CAMK1D: variants seen among roughly 807,000 people sequenced by gnomAD.
The protein encoded by CAMK1D is calcium/calmodulin dependent protein kinase ID.
A neutral mutation model predicts 47.7 loss-of-function variants in CAMK1D; 9 were observed. The observed-to-expected ratio is 0.19, with a 90% CI of 0.11 to 0.33. The LOEUF (loss-of-function observed/expected upper bound fraction) is 0.33. Among genes scored for constraint, CAMK1D ranks in the 10% least tolerant of loss-of-function variants. The pLI, the probability that CAMK1D is intolerant of heterozygous loss-of-function variation, is 1.00. For missense variants in CAMK1D, 291 were observed against 488.7 expected (o/e 0.60, Z 3.81); for synonymous variants, 184 against 184.9 (o/e 0.99, Z 0.04).
intron 1 of CAMK1D, among the ~76,000 whole-genome samples, chr10:12,539,407 A>C (rs956863605): frequency 1.3e-5 from 2 of 152,212 alleles, no homozygotes; most frequent in Non-Finnish European, 2.9e-5. Context: ...CTAAAGTCAG[A>C]GGATCTGGTG....
chr10:12,473,421 G>A (rs1187374847), intron 1 of CAMK1D, among the ~76,000 whole-genome samples: 1 of 151,978 alleles, frequency 6.6e-6, no homozygotes, highest in African/African-American at 2.4e-5. Context: ...GTGACAGAGC[G>A]AGACTCTGAC....
At chr10:12,457,697 C>CT (rs1252954573) in intron 1 of CAMK1D, among the ~76,000 whole-genome samples, 1 of 148,366 alleles carries the variant, frequency 6.7e-6, no homozygotes. Context: ...AGGAGAATTG[C>CT]TTGAACCCAG....
At chr10:12,382,614 C>T (rs949655203) in intron 1 of CAMK1D, among the ~76,000 whole-genome samples, 2 of 152,128 alleles carry the variant, frequency 1.3e-5, no homozygotes, top group Admixed American at 1.3e-4. Context: ...CACCTGAGGT[C>T]AGGAGTTCCA....
At chr10:12,541,676 T>C (rs1339672707) in intron 1 of CAMK1D, among the ~76,000 whole-genome samples, 1 of 151,724 alleles carries the variant, frequency 6.6e-6, no homozygotes, top group African/African-American at 2.4e-5. Context: ...ACTACTGTTA[T>C]GGTCCATTCG....
chr10:12,640,108 G>A (rs566898250), intron 2 of CAMK1D, among the ~76,000 whole-genome samples: 17 of 152,228 alleles, frequency 1.1e-4, no homozygotes, highest in Admixed American at 9.2e-4. Context: ...CCTTCCTCTC[G>A]AAGAATCAGC....
intron 1 of CAMK1D, among the ~76,000 whole-genome samples, chr10:12,421,511 C>CTTTTGTTTTTTTTTT (rs1554767788): frequency 2.0e-5 from 1 of 50,732 alleles, no homozygotes; most frequent in Non-Finnish European, 3.3e-5. Context: ...ATCCAGGATT[C>CTTTTGTTTTTTTTTT]TTTTTTTTTT....
intron 1 of CAMK1D, among the ~76,000 whole-genome samples, chr10:12,398,378 C>T (rs936207570): frequency 1.3e-5 from 2 of 152,108 alleles, no homozygotes; most frequent in African/African-American, 4.8e-5. Flanking sequence ...GATGGAGTTT[C>T]ACTCTTGTTG....
Position 12,396,240 on chromosome 10 carries a change from A to C in CAMK1D, c.92+46330A>C, listed in dbSNP as rs532727886. ...GGCTCCTTAACTCGGAGCAGCAGTG[A>C]ATTTGGAAGGTCAGCCCCTCTCCTG... On this transcript the variant is annotated intron_variant, in intron 1 of 10. Transcript: ENST00000619168. Among the ~76,000 whole-genome samples the C allele has an allele frequency of 1.4e-4, 21 of 152,200 alleles. 1 individual carries two copies. The highest frequency in any genetic ancestry group is 4.6e-4 in the African/African-American group (19 of 41,552).
chr10:12,647,518 GT>G (rs1344451879), intron 2 of CAMK1D, among the ~76,000 whole-genome samples: 1 of 152,110 alleles, frequency 6.6e-6, no homozygotes, highest in African/African-American at 2.4e-5. Context: ...CCAATGCTTT[GT>G]AGAAAAGCAG....
At position 12,427,706 on chromosome 10, in the gene CAMK1D, T is replaced by TTTTTTTTTTTTTTTTTC. The variant is rs1840292094; in HGVS notation, c.92+77812_92+77813insCTTTTTTTTTTTTTTTT. 1.9e-5 allele frequency among the ~76,000 whole-genome samples: 2 copies of TTTTTTTTTTTTTTTTTC among 102,764 alleles called. 1 individual carries two copies. Among genetic ancestry groups the TTTTTTTTTTTTTTTTTC allele is most frequent in the Non-Finnish European group, 4.0e-5 (2 of 49,692 alleles). 67.4% of individuals were successfully genotyped at this position (102,764 alleles called of 152,430 possible). ...TGGCTTCACTGAACTTACTGTTTTT[T>TTTTTTTTTTTTTTTTTC]TTTTTTTTTTTTTTTTTTTGAGACG... On this transcript the variant is annotated intron_variant, in intron 1 of 10. Coordinates refer to ENST00000619168, the MANE Select transcript of CAMK1D (RefSeq NM_153498.4).
At chr10:12,815,790 T>G (rs1198843227) in intron 7 of CAMK1D, among the ~76,000 whole-genome samples, 1 of 152,248 alleles carries the variant, frequency 6.6e-6, no homozygotes, top group African/African-American at 2.4e-5. Context: ...CATGGTGCTT[T>G]CTGGGGACTT....
chr10:12,417,489 C>T (rs1382617666), intron 1 of CAMK1D, among the ~76,000 whole-genome samples: 2 of 152,174 alleles, frequency 1.3e-5, no homozygotes, highest in East Asian at 3.9e-4. Context: ...AGGTGGCATC[C>T]AGCCAGGGGA....
chr10:12,360,608 G>A (rs1364692848), intron 1 of CAMK1D, among the ~76,000 whole-genome samples: 2 of 152,166 alleles, frequency 1.3e-5, no homozygotes, highest in Non-Finnish European at 2.9e-5. Context: ...TGATTTTAAG[G>A]AAAGAACTTT....
At chr10:12,712,842 C>G (rs1833987825) in intron 3 of CAMK1D, among the ~76,000 whole-genome samples, 1 of 152,072 alleles carries the variant, frequency 6.6e-6, no homozygotes, top group African/African-American at 2.4e-5. Flanking sequence ...CACACACACC[C>G]CTGTACTGAT....
chr10:12,383,922 A>G (rs1309962492), intron 1 of CAMK1D, among the ~76,000 whole-genome samples: 1 of 152,334 alleles, frequency 6.6e-6, no homozygotes, highest in Middle Eastern at 3.4e-3. Flanking sequence ...AACGATCTCT[A>G]TTTGCAGATG....
intron 1 of CAMK1D, among the ~76,000 whole-genome samples, chr10:12,513,218 G>C (rs184989622): frequency 2.0e-5 from 3 of 152,132 alleles, no homozygotes; most frequent in Non-Finnish European, 2.9e-5. Flanking sequence ...TCCACAAGAT[G>C]TGTCAGGATG....
chr10:12,767,923 A>G (rs970883553), intron 4 of CAMK1D, among the ~76,000 whole-genome samples: 1 of 152,184 alleles, frequency 6.6e-6, no homozygotes, highest in Non-Finnish European at 1.5e-5. Context: ...TCCAGGCTGG[A>G]GTGCAATGGC....
At chr10:12,567,004 C>G (rs1443091576) in intron 2 of CAMK1D, among the ~76,000 whole-genome samples, 1 of 152,138 alleles carries the variant, frequency 6.6e-6, no homozygotes, top group Admixed American at 6.5e-5. Flanking sequence ...GCTCAGAGGC[C>G]CGTCGCCGAG....
rs1021490681 is a variant in CAMK1D at position 12,833,453 on chromosome 10, G to A, written c.*4566G>A. The A allele has an allele frequency of 6.6e-6, 1 of 152,262 alleles. No homozygotes were observed. The highest frequency in any genetic ancestry group is 6.5e-5 in the Admixed American group (1 of 15,282). The allele number at this position is 152,262 out of a possible 1,614,324, so 9.4% of individuals were successfully genotyped here. ...CAGAAAGGAAAGATGATATCCCAGTGCAGGTAGACTTTATTTTTGAAAGCA... is the reference window on the plus strand; with the variant it reads ...CAGAAAGGAAAGATGATATCCCAGTACAGGTAGACTTTATTTTTGAAAGCA... On this transcript the variant is annotated 3_prime_UTR_variant, in exon 11 of 11. Coordinates refer to ENST00000619168, the MANE Select transcript of CAMK1D (RefSeq NM_153498.4).
Sources: allele counts gnomAD v4.1 joint callset (sites outside exome capture counted in the v4.1 genomes callset), GRCh38; gene constraint gnomAD v4.1.1; transcripts MANE v1.5; gene names NCBI Gene and HGNC (gene_info 2026-07-23, HGNC 2026-07-21).